OPCML: variants seen among roughly 807,000 people sequenced by gnomAD.
OPCML encodes opioid-binding protein/cell adhesion molecule.
Under a neutral mutation model 37.8 loss-of-function variants are expected in OPCML, and 13 were observed. The observed-to-expected ratio is 0.34, with a 90% CI of 0.22 to 0.55. OPCML has a LOEUF of 0.55. OPCML is among the 20% of genes least tolerant of loss of function. The probability of loss-of-function intolerance (pLI) is 0.91; values close to 1 mark genes in which losing one functional copy is unlikely to be tolerated. For missense variants in OPCML, 341 were observed against 435.6 expected (o/e 0.78, Z 1.93); for synonymous variants, 176 against 168.8 (o/e 1.04, Z -0.33).
chr11:133,282,171 C>T (rs961691282), intron 1 of OPCML, among the ~76,000 whole-genome samples: 8 of 152,120 alleles, frequency 5.3e-5, no homozygotes, highest in Admixed American at 3.3e-4. Flanking sequence ...TAAAAGGGAG[C>T]CAAGGCATTT....
chr11:133,268,098 C>T (rs956645827), intron 1 of OPCML, among the ~76,000 whole-genome samples: 17 of 152,192 alleles, frequency 1.1e-4, no homozygotes, highest in African/African-American at 3.4e-4. Context: ...TTCCCTTTCT[C>T]TCTTTCCTAG....
intron 4 of OPCML, among the ~76,000 whole-genome samples, chr11:132,475,965 C>T (rs939045682): frequency 1.1e-4 from 17 of 152,142 alleles, no homozygotes; most frequent in Admixed American, 1.0e-3. Flanking sequence ...TCTTTTCGCC[C>T]CAGTTTTCTC....
At chr11:133,351,540 C>T (rs1565587077) in intron 1 of OPCML, among the ~76,000 whole-genome samples, 1 of 151,552 alleles carries the variant, frequency 6.6e-6, no homozygotes. Context: ...CTAAGCCTCT[C>T]CTTCTCTTTC....
At position 132,592,400 on chromosome 11, in the gene OPCML, G is replaced by GA. The variant is rs199595361; in HGVS notation, c.380-63215dup. Among the ~76,000 whole-genome samples the GA allele has an allele frequency of 6.7e-3, 1,016 of 151,970 alleles. 16 individuals are homozygous for GA. Among genetic ancestry groups the GA allele is most frequent in the African/African-American group, 0.023 (971 of 41,474 alleles). ...AGCCAGGGTACCTGGCTGGTATCTG[G>GA]AAAAAAAATGGAGAAAATGGGGATC... On this transcript the variant is annotated intron_variant, in intron 3 of 7. Coordinates refer to ENST00000524381, the MANE Select transcript of OPCML (RefSeq NM_001012393.5).
At chr11:133,407,414 T>C (rs1831796479) in intron 1 of OPCML, among the ~76,000 whole-genome samples, 1 of 152,188 alleles carries the variant, frequency 6.6e-6, no homozygotes, top group South Asian at 2.1e-4. Context: ...TTCCATTAGA[T>C]GCACATTTTG....
At chr11:133,357,623 G>T (rs966227755) in intron 1 of OPCML, among the ~76,000 whole-genome samples, 1 of 152,022 alleles carries the variant, frequency 6.6e-6, no homozygotes, top group African/African-American at 2.4e-5. Context: ...TCCAGTGAGG[G>T]CCCATAATTC....
intron 1 of OPCML, among the ~76,000 whole-genome samples, chr11:133,368,378 G>C (rs1289557999): frequency 6.6e-6 from 1 of 152,116 alleles, no homozygotes; most frequent in Non-Finnish European, 1.5e-5. Context: ...GACCACAGCA[G>C]AGGAGAAGAT....
At chr11:133,346,320 G>A (rs556782154) in intron 1 of OPCML, among the ~76,000 whole-genome samples, 1 of 152,308 alleles carries the variant, frequency 6.6e-6, no homozygotes, top group East Asian at 1.9e-4. Context: ...TGCCAAGCGG[G>A]ATGCTCAAGT....
intron 1 of OPCML, among the ~76,000 whole-genome samples, chr11:133,506,672 G>A (rs1948037699): frequency 6.6e-6 from 1 of 152,234 alleles, no homozygotes; most frequent in Non-Finnish European, 1.5e-5. Flanking sequence ...AATCATCCCT[G>A]ATAAAATCAG....
At chr11:132,609,505 A>G (rs891532634) in intron 3 of OPCML, among the ~76,000 whole-genome samples, 1 of 151,934 alleles carries the variant, frequency 6.6e-6, no homozygotes, top group African/African-American at 2.4e-5. Context: ...AGCAACCCAC[A>G]TTTACCCACC....
At chr11:133,186,920 T>G (rs553934750) in intron 1 of OPCML, among the ~76,000 whole-genome samples, 11 of 152,202 alleles carry the variant, frequency 7.2e-5, no homozygotes, top group African/African-American at 2.2e-4. Flanking sequence ...TTGAGAAGCC[T>G]GGAACAGGGT....
rs141912180 is a variant in OPCML at position 133,255,970 on chromosome 11, G to A, written c.61+276294C>T. Among the ~76,000 whole-genome samples, 4 of 152,222 alleles carry A rather than the reference G, an allele frequency of 2.6e-5. No homozygotes were observed. The East Asian group carries it at 7.7e-4, about 29-fold the overall frequency. On this transcript the variant is annotated intron_variant, in intron 1 of 7. Transcript: ENST00000524381. ...TTTTAAAGACTATTTAATATTCCAT[G>A]TTGTATGTATAACCTAATTTATTCT...
chr11:132,615,498 A>G (rs1207084535), intron 3 of OPCML, among the ~76,000 whole-genome samples: 1 of 152,200 alleles, frequency 6.6e-6, no homozygotes, highest in Non-Finnish European at 1.5e-5. Context: ...CCACAGAAAT[A>G]CAGCAATAAA....
At chr11:132,508,643 G>A (rs1017178732) in intron 4 of OPCML, among the ~76,000 whole-genome samples, 1 of 152,150 alleles carries the variant, frequency 6.6e-6, no homozygotes, top group African/African-American at 2.4e-5. Context: ...TCTCGTGATA[G>A]TGAATAGGTC....
rs116560690 is a variant in OPCML at position 132,493,845 on chromosome 11, C to T, written c.505+35216G>A. Among the ~76,000 whole-genome samples the T allele has an allele frequency of 4.0e-3, 612 of 152,362 alleles. 8 individuals carry two copies. Among genetic ancestry groups the T allele is most frequent in the African/African-American group, 0.014 (588 of 41,602 alleles). ...CTGATCCAAATGCAAGGCATAGGAG[C>T]TTGTTTATCCCATGCTTCACAGTTG... On this transcript the variant is annotated intron_variant, in intron 4 of 7. Coordinates refer to ENST00000524381, the MANE Select transcript of OPCML (RefSeq NM_001012393.5).
At chr11:132,619,726 C>T (rs1330150000) in intron 3 of OPCML, among the ~76,000 whole-genome samples, 1 of 150,746 alleles carries the variant, frequency 6.6e-6, no homozygotes, top group Non-Finnish European at 1.5e-5. Context: ...GTGGCGGGCG[C>T]CTGTAGTCCC....
chr11:132,534,813 C>A (rs1182368894), intron 3 of OPCML, among the ~76,000 whole-genome samples: 1 of 152,094 alleles, frequency 6.6e-6, no homozygotes, highest in Non-Finnish European at 1.5e-5. Context: ...AGCACAGTGC[C>A]TGGAAATAAG....
At position 133,092,698 on chromosome 11, in the gene OPCML, C is replaced by T. The variant is rs1948926679; in HGVS notation, c.62-149688G>A. On this transcript the variant is annotated intron_variant, in intron 1 of 7. Transcript: ENST00000524381. The stretch of plus-strand genomic sequence containing the variant: ...CCGAGATCACCCCACTGCACTCCAG[C>T]CTGAACAACAGAGTGAGACTGTCTC... 4.6e-5 allele frequency among the ~76,000 whole-genome samples: 7 copies of T among 152,072 alleles called. 1 individual carries two copies. Among genetic ancestry groups the T allele is most frequent in the Admixed American group, 4.6e-4 (7 of 15,272 alleles).
At chr11:132,684,901 G>T (rs1943104030) in intron 2 of OPCML, among the ~76,000 whole-genome samples, 1 of 152,100 alleles carries the variant, frequency 6.6e-6, no homozygotes, top group South Asian at 2.1e-4. Flanking sequence ...AAAACAGTTT[G>T]GGCTCAATAT....
Sources: allele counts gnomAD v4.1 joint callset (sites outside exome capture counted in the v4.1 genomes callset), GRCh38; gene constraint gnomAD v4.1.1; transcripts MANE v1.5; gene names NCBI Gene and HGNC (gene_info 2026-07-23, HGNC 2026-07-21).